SMARCAD1: variants seen among roughly 807,000 people sequenced by gnomAD.
SMARCAD1 encodes SNF2 related chromatin remodeling ATPase with DExD box 1, also known as SWI/SNF-related matrix-associated actin-dependent regulator of chromatin subfamily A containing DEAD/H box 1.
Under a neutral mutation model 127.1 loss-of-function variants are expected in SMARCAD1, and 25 were observed. The observed-to-expected ratio is 0.20, with a 90% CI of 0.14 to 0.27. The LOEUF is 0.27. SMARCAD1 is among the 10% of genes least tolerant of loss of function. The pLI, the probability that SMARCAD1 is intolerant of heterozygous loss-of-function variation, is 1.00. For synonymous variants in SMARCAD1, 400 were observed against 396.9 expected (o/e 1.01, Z -0.09); for missense variants, 807 against 1,206.0 (o/e 0.67, Z 4.90).
intron 2 of SMARCAD1, among the ~76,000 whole-genome samples, chr4:94,208,894 A>T (rs935347712): frequency 6.6e-6 from 1 of 152,176 alleles, no homozygotes. Context: ...ATTCAGTCCT[A>T]TGATAAACTT....
chr4:94,224,318 A>G (rs4693003), intron 2 of SMARCAD1, among the ~76,000 whole-genome samples: 83,910 of 152,040 alleles, frequency 0.55, 23,630 homozygotes, highest in East Asian at 0.72. Context: ...TAGTAGTTGT[A>G]TAGTACTTGG....
At chr4:94,217,811 G>A (rs182740925) in intron 2 of SMARCAD1, among the ~76,000 whole-genome samples, 33 of 152,046 alleles carry the variant, frequency 2.2e-4, no homozygotes, top group Non-Finnish European at 4.1e-4. Flanking sequence ...CAATTTCTTG[G>A]GTCCTGACTA....
intron 3 of SMARCAD1, among the ~76,000 whole-genome samples, chr4:94,232,089 C>T (rs1349220897): frequency 6.6e-6 from 1 of 152,160 alleles, no homozygotes; most frequent in African/African-American, 2.4e-5. Flanking sequence ...TCTTGAACTC[C>T]TGACTTCAGG....
At chr4:94,214,186 A>G (rs574461204) in intron 2 of SMARCAD1, among the ~76,000 whole-genome samples, 65 of 152,076 alleles carry the variant, frequency 4.3e-4, no homozygotes, top group Non-Finnish European at 7.5e-4. Context: ...AGGAAAGGAA[A>G]GAGAGAAATA....
intron 9 of SMARCAD1, 30 bp downstream of exon 9, chr4:94,253,037 A>G (rs1560541571): frequency 3.1e-6 from 5 of 1,605,594 alleles, no homozygotes; most frequent in African/African-American, 1.3e-5. Context: ...TTCCCCTTGT[A>G]TGTGTGTGTG....
intron 6 of SMARCAD1, among the ~76,000 whole-genome samples, chr4:94,246,491 C>T (rs2125901149): frequency 6.6e-6 from 1 of 152,244 alleles, no homozygotes; most frequent in African/African-American, 2.4e-5. Context: ...TATATCTTGC[C>T]TCCAGTGTGC....
chr4:94,272,712 G>A (rs1162086706), intron 11 of SMARCAD1, among the ~76,000 whole-genome samples: 3 of 151,782 alleles, frequency 2.0e-5, no homozygotes, highest in African/African-American at 7.3e-5. Flanking sequence ...ATTGCCATGT[G>A]GTATGGTAGT....
intron 2 of SMARCAD1, among the ~76,000 whole-genome samples, chr4:94,223,320 C>T (rs1248265044): frequency 6.6e-6 from 1 of 151,846 alleles, no homozygotes; most frequent in Non-Finnish European, 1.5e-5. Context: ...TGGTGAAACT[C>T]CATCTCTACT....
Position 94,291,283 on chromosome 4 carries a change from G to C in SMARCAD1, c.*1749G>C, listed in dbSNP as rs1388655223. On this transcript the variant is annotated 3_prime_UTR_variant, in exon 24 of 24. Coordinates refer to ENST00000354268, the MANE Select transcript of SMARCAD1 (RefSeq NM_020159.5). ...TGTCTTGGGCTTAATAAAAATATTT[G>C]TGATCATAAGTTGTATTTTCACACC... is the stretch of plus-strand genomic sequence containing the variant. 1 of 444,508 alleles carries C rather than the reference G, an allele frequency of 2.2e-6. No homozygotes were observed. Among genetic ancestry groups the C allele is most frequent in the Non-Finnish European group, 4.5e-6 (1 of 224,444 alleles). The allele number at this position is 444,508 out of a possible 1,614,324, so 27.5% of individuals were successfully genotyped here. A position where few individuals can be genotyped will look rare whatever the true frequency, so the allele number is the denominator to read the frequency against.
chr4:94,231,441 G>C (rs1446681405), intron 3 of SMARCAD1, among the ~76,000 whole-genome samples: 1 of 152,174 alleles, frequency 6.6e-6, no homozygotes, highest in Non-Finnish European at 1.5e-5. Context: ...GGTCAACTCT[G>C]TTGTTCTTAC....
chr4:94,283,450 A>C (rs1364208754), intron 22 of SMARCAD1, 147 bp downstream of exon 22: 4 of 715,782 alleles, frequency 5.6e-6, no homozygotes, highest in Non-Finnish European at 9.8e-6. Flanking sequence ...AGCAGTGTTG[A>C]ACATCAACTG....
Position 94,276,323 on chromosome 4 carries a change from T to G in SMARCAD1, c.1809-16T>G. On this transcript the variant is annotated splice_polypyrimidine_tract_variant and intron_variant, in intron 14 of 23. Coordinates refer to ENST00000354268, the MANE Select transcript of SMARCAD1 (RefSeq NM_020159.5). ...TAAAGGTATAACCTTAGAGATGTTT[T>G]TTCTTTTGGTGACAGATATAACTGT... The G allele has an allele frequency of 6.2e-7, 1 of 1,614,020 alleles. No homozygotes were observed. Among genetic ancestry groups the G allele is most frequent in the South Asian group, 1.1e-5 (1 of 91,046 alleles).
At chr4:94,222,463 T>A (rs1744300917) in intron 2 of SMARCAD1, among the ~76,000 whole-genome samples, 1 of 147,940 alleles carries the variant, frequency 6.8e-6, no homozygotes, top group African/African-American at 2.5e-5. Flanking sequence ...ATTATACTAT[T>A]TCCTCTGTTA....
chr4:94,265,034 T>A, intron 10 of SMARCAD1, 128 bp downstream of exon 10: 2 of 809,282 alleles, frequency 2.5e-6, no homozygotes, highest in Non-Finnish European at 4.0e-6. Context: ...AGGTTTTCTG[T>A]AATGGCACAT....
At chr4:94,228,021 G>C (rs1029342011) in intron 3 of SMARCAD1, among the ~76,000 whole-genome samples, 4 of 152,152 alleles carry the variant, frequency 2.6e-5, no homozygotes, top group African/African-American at 9.7e-5. Flanking sequence ...GAGGTAAAAG[G>C]CTACATGGTC....
At chr4:94,240,238 A>G (rs1466593284) in intron 5 of SMARCAD1, among the ~76,000 whole-genome samples, 1 of 152,202 alleles carries the variant, frequency 6.6e-6, no homozygotes, top group African/African-American at 2.4e-5. Flanking sequence ...GTAGGTAAAT[A>G]TATACATAAT....
intron 9 of SMARCAD1, among the ~76,000 whole-genome samples, chr4:94,261,395 A>G (rs1260866625): frequency 1.3e-5 from 2 of 152,234 alleles, no homozygotes; most frequent in South Asian, 2.1e-4. Context: ...TTAGATTTCT[A>G]CCGAATTGTG....
chr4:94,226,962 C>T (rs1469956364), intron 3 of SMARCAD1, among the ~76,000 whole-genome samples: 1 of 151,912 alleles, frequency 6.6e-6, no homozygotes, highest in Non-Finnish European at 1.5e-5. Flanking sequence ...TCTCAGCCTC[C>T]CAAAGTGCTG....
intron 9 of SMARCAD1, among the ~76,000 whole-genome samples, chr4:94,263,379 A>G (rs1751298563): frequency 6.6e-6 from 1 of 152,092 alleles, no homozygotes; most frequent in Admixed American, 6.5e-5. Flanking sequence ...TTATGAATAG[A>G]TCTTTCCCCT....
Sources: allele counts gnomAD v4.1 joint callset (sites outside exome capture counted in the v4.1 genomes callset), GRCh38; gene constraint gnomAD v4.1.1; transcripts MANE v1.5; gene names NCBI Gene and HGNC (gene_info 2026-07-23, HGNC 2026-07-21).